Variants in ME1 observed in about 807,000 individuals in gnomAD.
The protein encoded by ME1 is malic enzyme 1, also known as NADP-dependent malic enzyme.
Under a neutral mutation model 66.4 loss-of-function variants are expected in ME1, and 74 were observed. The observed-to-expected ratio is 1.11, with a 90% CI of 0.92 to 1.35. The LOEUF is 1.35. ME1 is among the 40% of genes most tolerant of loss of function. ME1 has a pLI of 0.00. For synonymous variants in ME1, 251 were observed against 235.6 expected (o/e 1.07, Z -0.60); for missense variants, 750 against 694.1 (o/e 1.08, Z -0.90).
At chr6:83,350,330 A>G (rs959739509) in intron 4 of ME1, among the ~76,000 whole-genome samples, 1 of 152,216 alleles carries the variant, frequency 6.6e-6, no homozygotes, top group Non-Finnish European at 1.5e-5. Flanking sequence ...AAAGTTAAAG[A>G]TGCAGAGATC....
At chr6:83,283,660 A>C (rs117759737) in intron 6 of ME1, among the ~76,000 whole-genome samples, 2,357 of 152,354 alleles carry the variant, frequency 0.015, 26 homozygotes, top group East Asian at 0.045. Context: ...GCGATTATAT[A>C]AAGCAACCAA....
intron 6 of ME1, among the ~76,000 whole-genome samples, chr6:83,281,821 A>G (rs1258072681): frequency 7.0e-6 from 1 of 142,270 alleles, no homozygotes; most frequent in African/African-American, 2.5e-5. Context: ...AAAAAAAAAA[A>G]AAAAAAAAAA....
intron 1 of ME1, among the ~76,000 whole-genome samples, chr6:83,414,632 A>C (rs551731859): frequency 1.3e-5 from 2 of 152,184 alleles, no homozygotes; most frequent in South Asian, 4.2e-4. Context: ...AAGAAAGAAC[A>C]CCTCTACCTA....
At chr6:83,293,257 T>C (rs182479324) in intron 6 of ME1, among the ~76,000 whole-genome samples, 1 of 152,270 alleles carries the variant, frequency 6.6e-6, no homozygotes, top group Non-Finnish European at 1.5e-5. Context: ...ACCAGAGCGT[T>C]CCTATTCGGC....
chr6:83,227,600 T>C lies in ME1; in HGVS notation c.1133-123A>G, dbSNP rs1020667798. Reference sequence around the variant, plus strand: ...CTAATAGACCCTAAACAAAATGCTATATAAACTATTTGTATTCAAGTATAG... The same window carrying C: ...CTAATAGACCCTAAACAAAATGCTACATAAACTATTTGTATTCAAGTATAG... On this transcript the variant is annotated intron_variant, in intron 10 of 13. Coordinates refer to ENST00000369705, the MANE Select transcript of ME1 (RefSeq NM_002395.6). 9 of 771,070 alleles carry C rather than the reference T, an allele frequency of 1.2e-5. No individual in the cohort carries two copies. The East Asian group carries it at 2.2e-4, about 19-fold the overall frequency. 47.8% of individuals were successfully genotyped at this position (771,070 alleles called of 1,614,324 possible). A position where few individuals can be genotyped will look rare whatever the true frequency, so the allele number is the denominator to read the frequency against.
At chr6:83,378,675 C>CT (rs759346424) in intron 3 of ME1, among the ~76,000 whole-genome samples, 2,990 of 137,636 alleles carry the variant, frequency 0.022, 51 homozygotes, top group African/African-American at 0.041. Context: ...CTTTCTTCCT[C>CT]TTTTTTTTTT....
At chr6:83,346,445 C>A in intron 4 of ME1, 111 bp from the exon 5 acceptor site, 1 of 587,968 alleles carries the variant, frequency 1.7e-6, no homozygotes, top group Non-Finnish European at 2.7e-6. Flanking sequence ...TGTTAAAAAA[C>A]ATAAATTGAA....
chr6:83,275,836 G>C (rs1193171095), intron 6 of ME1, among the ~76,000 whole-genome samples: 1 of 127,602 alleles, frequency 7.8e-6, no homozygotes, highest in Non-Finnish European at 1.6e-5. Context: ...GCAGTGGCGC[G>C]ATCTCGGCTC....
chr6:83,300,610 C>CTTTTTTTTTTTTTTTTTT (rs35205380), intron 6 of ME1, among the ~76,000 whole-genome samples: 3 of 84,966 alleles, frequency 3.5e-5, no homozygotes, highest in Non-Finnish European at 6.6e-5. Flanking sequence ...TTCTTTCTTT[C>CTTTTTTTTTTTTTTTTTT]TTTTTTTTTT....
intron 6 of ME1, 151 bp downstream of exon 6, chr6:83,315,159 A>G: frequency 3.5e-6 from 2 of 579,156 alleles, no homozygotes; most frequent in East Asian, 2.9e-5. Context: ...TCATTTGTCC[A>G]TTAACAGTTA....
At chr6:83,288,517 T>A (rs1036008230) in intron 6 of ME1, among the ~76,000 whole-genome samples, 1 of 152,148 alleles carries the variant, frequency 6.6e-6, no homozygotes, top group Admixed American at 6.5e-5. Context: ...GGTCTATATA[T>A]CTGTTTTGGT....
intron 3 of ME1, among the ~76,000 whole-genome samples, chr6:83,354,375 G>A (rs1306632059): frequency 1.3e-5 from 2 of 152,086 alleles, no homozygotes; most frequent in Admixed American, 6.6e-5. Context: ...CAAGTGATCC[G>A]CCTGCCTCAG....
intron 3 of ME1, among the ~76,000 whole-genome samples, chr6:83,374,180 G>A (rs749390810): frequency 9.2e-5 from 14 of 152,200 alleles, no homozygotes; most frequent in Non-Finnish European, 1.6e-4. Flanking sequence ...TCACCACACT[G>A]TCTTCCATAA....
intron 3 of ME1, among the ~76,000 whole-genome samples, chr6:83,361,581 T>A (rs1234544210): frequency 1.3e-5 from 2 of 152,228 alleles, no homozygotes; most frequent in African/African-American, 4.8e-5. Flanking sequence ...TTGGAGCCTT[T>A]GGCAAGCCGC....
intron 3 of ME1, among the ~76,000 whole-genome samples, chr6:83,376,682 A>G (rs1769297481): frequency 6.7e-6 from 1 of 149,328 alleles, no homozygotes; most frequent in Non-Finnish European, 1.5e-5. Flanking sequence ...GGACGCCTAT[A>G]ATCCCAGCTT....
intron 6 of ME1, among the ~76,000 whole-genome samples, chr6:83,311,993 T>C (rs936986667): frequency 6.6e-6 from 1 of 152,026 alleles, no homozygotes; most frequent in Non-Finnish European, 1.5e-5. Flanking sequence ...GAAGTCACAA[T>C]CTCTTGCTCA....
intron 12 of ME1, among the ~76,000 whole-genome samples, chr6:83,216,870 T>C (rs920445582): frequency 6.6e-6 from 1 of 152,150 alleles, no homozygotes; most frequent in Non-Finnish European, 1.5e-5. Flanking sequence ...CATGAAATGC[T>C]AGATACTTTC....
chr6:83,285,425 C>T (rs1767377869), intron 6 of ME1, among the ~76,000 whole-genome samples: 1 of 151,906 alleles, frequency 6.6e-6, no homozygotes, highest in Non-Finnish European at 1.5e-5. Context: ...ATAAAAAATC[C>T]CTGCTTTTAT....
Position 83,431,031 on chromosome 6 carries a change from G to C in ME1, c.-77C>G. On this transcript the variant is annotated 5_prime_UTR_variant, in exon 1 of 14. Coordinates refer to ENST00000369705, the MANE Select transcript of ME1 (RefSeq NM_002395.6). ...GGTGCAGGCGGCGGATGCTGCTGGG[G>C]TGACGGTGCTGACTGCAGCTGTGGC... The C allele has an allele frequency of 1.1e-6, 1 of 945,622 alleles. No individual in the cohort carries two copies. Among genetic ancestry groups the C allele is most frequent in the Non-Finnish European group, 1.5e-6 (1 of 677,964 alleles). The allele number at this position is 945,622 out of a possible 1,614,324, so 58.6% of individuals were successfully genotyped here.
Sources: allele counts gnomAD v4.1 joint callset (sites outside exome capture counted in the v4.1 genomes callset), GRCh38; gene constraint gnomAD v4.1.1; transcripts MANE v1.5; gene names NCBI Gene and HGNC (gene_info 2026-07-23, HGNC 2026-07-21).